Variants in EPHA3 observed in about 807,000 individuals in gnomAD.
EPHA3 encodes ephrin type-A receptor 3.
EPHA3 carries 42 observed loss-of-function variants against 107.1 expected under a neutral mutation model. That is an observed-to-expected ratio of 0.39 (90% CI 0.31 to 0.51). The LOEUF (loss-of-function observed/expected upper bound fraction) is 0.51. Ranked by LOEUF, EPHA3 falls within the 20% of genes least tolerant of loss-of-function variation. The probability of loss-of-function intolerance (pLI) is 0.78; values close to 1 mark genes in which losing one functional copy is unlikely to be tolerated. For missense variants in EPHA3, 1,183 were observed against 1,211.2 expected, an observed-to-expected ratio of 0.98 and a Z score of 0.35; for synonymous variants, 461 against 424.8, an observed-to-expected ratio of 1.09 and a Z score of -1.05.
chr3:89,390,365 A>G (rs138576490), intron 5 of EPHA3, among the ~76,000 whole-genome samples: 1,680 of 152,206 alleles, frequency 0.011, 29 homozygotes, highest in African/African-American at 0.038. Context: ...TTGGGAGGCC[A>G]AGGCAAACAG....
At chr3:89,115,139 T>C (rs768660272) in intron 1 of EPHA3, among the ~76,000 whole-genome samples, 1 of 152,190 alleles carries the variant, frequency 6.6e-6, no homozygotes, top group Non-Finnish European at 1.5e-5. Context: ...AGTTGCCTCA[T>C]ACGCCCTGTT....
At chr3:89,241,772 T>A (rs889830817) in intron 3 of EPHA3, among the ~76,000 whole-genome samples, 1 of 152,194 alleles carries the variant, frequency 6.6e-6, no homozygotes, top group African/African-American at 2.4e-5. Context: ...TATTATTTCT[T>A]GGAACACAAC....
At chr3:89,267,136 A>T (rs1341536216) in intron 3 of EPHA3, among the ~76,000 whole-genome samples, 2 of 152,150 alleles carry the variant, frequency 1.3e-5, no homozygotes, top group African/African-American at 4.8e-5. Flanking sequence ...TAGAAAGGAA[A>T]TAGGATAAAA....
intron 5 of EPHA3, among the ~76,000 whole-genome samples, chr3:89,347,205 G>T (rs1460480008): frequency 7.3e-6 from 1 of 137,876 alleles, no homozygotes; most frequent in Non-Finnish European, 1.6e-5. Context: ...AAATTACCTT[G>T]GGCAGTATGG....
intron 3 of EPHA3, among the ~76,000 whole-genome samples, chr3:89,249,583 C>G (rs1282676585): frequency 6.6e-6 from 1 of 152,122 alleles, no homozygotes; most frequent in Non-Finnish European, 1.5e-5. Flanking sequence ...GCCTCAGCCT[C>G]CCTAGTAGCT....
intron 2 of EPHA3, among the ~76,000 whole-genome samples, chr3:89,168,821 G>T (rs1705139492): frequency 6.6e-6 from 1 of 152,052 alleles, no homozygotes; most frequent in East Asian, 1.9e-4. Flanking sequence ...AATTTTCAAT[G>T]ATTAAAATAT....
rs149490981 is a variant in EPHA3 at position 89,270,967 on chromosome 3, G to A, written c.814+60447G>A. 5.2e-3 allele frequency among the ~76,000 whole-genome samples: 786 copies of A among 152,132 alleles called. 7 individuals are homozygous for A. The highest frequency in any genetic ancestry group is 0.018 in the African/African-American group (743 of 41,514). Reference sequence around the variant, plus strand: ...TTCACATTAAGTAAGCTGAAAAGGAGGAAGGGGAGGGATTGGTCTTAATAA... The same window carrying A: ...TTCACATTAAGTAAGCTGAAAAGGAAGAAGGGGAGGGATTGGTCTTAATAA... On this transcript the variant is annotated intron_variant, in intron 3 of 16. Coordinates refer to ENST00000336596, the MANE Select transcript of EPHA3 (RefSeq NM_005233.6).
intron 2 of EPHA3, among the ~76,000 whole-genome samples, chr3:89,179,818 T>TTC (rs1431743418): frequency 1.3e-5 from 2 of 151,974 alleles, no homozygotes; most frequent in African/African-American, 2.4e-5. Context: ...CCAGCAGGGT[T>TTC]TCATTTGTGC....
chr3:89,433,634 C>A (rs1485121348), intron 13 of EPHA3, among the ~76,000 whole-genome samples: 2 of 151,984 alleles, frequency 1.3e-5, no homozygotes, highest in Admixed American at 6.6e-5. Flanking sequence ...TTTAAAAAGT[C>A]CTTAGACACT....
At chr3:89,217,337 G>C (rs968422312) in intron 3 of EPHA3, among the ~76,000 whole-genome samples, 5 of 151,982 alleles carry the variant, frequency 3.3e-5, no homozygotes, top group Non-Finnish European at 7.4e-5. Context: ...AAAACATCCT[G>C]TTGGCAGATG....
intron 3 of EPHA3, among the ~76,000 whole-genome samples, chr3:89,218,594 C>A (rs1229303907): frequency 1.3e-5 from 2 of 152,024 alleles, no homozygotes; most frequent in Non-Finnish European, 2.9e-5. Flanking sequence ...CCACAATAAA[C>A]ATACGTTTGC....
intron 13 of EPHA3, among the ~76,000 whole-genome samples, chr3:89,434,006 C>G (rs1276862011): frequency 6.6e-6 from 1 of 152,086 alleles, no homozygotes; most frequent in Non-Finnish European, 1.5e-5. Context: ...AAGGCTATCC[C>G]TCTTAACCTG....
At chr3:89,355,046 A>G (rs1707913653) in intron 5 of EPHA3, among the ~76,000 whole-genome samples, 1 of 151,062 alleles carries the variant, frequency 6.6e-6, no homozygotes, top group African/African-American at 2.4e-5. Flanking sequence ...TTGACAATTC[A>G]TCATCCAGAA....
chr3:89,427,192 T>C (rs778899713), intron 11 of EPHA3, among the ~76,000 whole-genome samples: 9 of 151,898 alleles, frequency 5.9e-5, no homozygotes, highest in Non-Finnish European at 1.2e-4. Flanking sequence ...GTAACATGTA[T>C]AAAAGTTATC....
At chr3:89,237,632 G>A (rs1466900990) in intron 3 of EPHA3, among the ~76,000 whole-genome samples, 1 of 152,030 alleles carries the variant, frequency 6.6e-6, no homozygotes, top group Non-Finnish European at 1.5e-5. Flanking sequence ...TATCTGTTTT[G>A]TTAAGTCGTG....
intron 15 of EPHA3, among the ~76,000 whole-genome samples, chr3:89,455,870 G>A (rs768713971): frequency 3.3e-5 from 5 of 152,074 alleles, no homozygotes; most frequent in East Asian, 1.9e-4. Context: ...CCATATTCTC[G>A]TTCTTCATCA....
intron 1 of EPHA3, among the ~76,000 whole-genome samples, chr3:89,109,065 C>T (rs903606590): frequency 1.3e-5 from 2 of 152,028 alleles, no homozygotes; most frequent in Admixed American, 1.3e-4. Flanking sequence ...GTAATAACTG[C>T]CTGATACTCG....
chr3:89,342,527 A>C (rs1228865079), intron 5 of EPHA3, among the ~76,000 whole-genome samples: 1 of 152,202 alleles, frequency 6.6e-6, no homozygotes, highest in Non-Finnish European at 1.5e-5. Flanking sequence ...TGTGTATTAT[A>C]ACTGATAGTT....
intron 2 of EPHA3, among the ~76,000 whole-genome samples, chr3:89,208,472 AAGAAAGAAAG>A (rs1167862215): frequency 2.9e-4 from 43 of 147,026 alleles, no homozygotes; most frequent in African/African-American, 1.1e-3. Context: ...GAAAGAAAGA[AAGAAAGAAAG>A]AGAAAAAGAA....
Sources: gnomAD v4.1 joint callset for allele counts (sites outside exome capture counted in the v4.1 genomes callset) on GRCh38, gnomAD v4.1.1 for gene constraint, MANE v1.5 for transcripts, NCBI Gene and HGNC (gene_info 2026-07-23, HGNC 2026-07-21) for gene names.